TSHR: variants seen among roughly 807,000 people sequenced by gnomAD.
TSHR encodes thyroid stimulating hormone receptor, also known as thyrotropin receptor.
In TSHR, 51 loss-of-function variants were observed where a neutral mutation model predicts 64.1. That is an observed-to-expected ratio of 0.80 (90% CI 0.64 to 1.01). The LOEUF (loss-of-function observed/expected upper bound fraction) is 1.01. TSHR is among the 50% of genes least tolerant of loss of function. The pLI, the probability that TSHR is intolerant of heterozygous loss-of-function variation, is 0.00. For synonymous variants in TSHR, 361 were observed against 361.9 expected (o/e 1.00, Z 0.03); for missense variants, 877 against 942.8 (o/e 0.93, Z 0.91).
chr14:81,144,202 A>G lies in TSHR; in HGVS notation c.2144A>G (p.Asn715Ser). The G allele has an allele frequency of 6.2e-7, 1 of 1,613,718 alleles. No homozygotes were observed. The highest frequency in any genetic ancestry group is 8.5e-7 in the Non-Finnish European group (1 of 1,179,746). ...AYRGQRVPPK[N>S]STDIQVQKVT... The stretch of plus-strand genomic sequence containing the variant: ...CGGGGGCAGAGGGTTCCTCCAAAGA[A>G]CAGCACTGATATTCAGGTTCAAAAG... The change falls in exon 10 of 10, where the codon AAC (asparagine) becomes AGC (serine). Residue 715 changes from asparagine to serine, a missense_variant. Physicochemically the swap from Asn to Ser is conservative, Grantham distance 46. Transcript: ENST00000298171.
At chr14:81,050,763 G>A (rs1235493077) in intron 1 of TSHR, 1 of 152,056 alleles carries the variant, frequency 6.6e-6, no homozygotes, top group African/African-American at 2.4e-5. Context: ...CATACATTGT[G>A]GGATGATCAA....
At chr14:80,986,548 G>A (rs942810665) in intron 1 of TSHR, among the ~76,000 whole-genome samples, 3 of 151,948 alleles carry the variant, frequency 2.0e-5, no homozygotes, top group Non-Finnish European at 2.9e-5. Context: ...GTGTAATGGC[G>A]CAGTCTCGGC....
At chr14:80,958,474 T>A (rs1003761564) in intron 1 of TSHR, among the ~76,000 whole-genome samples, 1 of 152,076 alleles carries the variant, frequency 6.6e-6, no homozygotes, top group Non-Finnish European at 1.5e-5. Flanking sequence ...GAAAAAAGTC[T>A]GAAAACAAGT....
intron 1 of TSHR, among the ~76,000 whole-genome samples, chr14:80,967,236 A>G (rs1887365780): frequency 6.7e-6 from 1 of 149,828 alleles, no homozygotes. Flanking sequence ...ATAAGAAGCT[A>G]TTAAGGATTT....
At chr14:81,082,198 C>CTTCAAGTA (rs1887953361) in intron 3 of TSHR, among the ~76,000 whole-genome samples, 1 of 152,162 alleles carries the variant, frequency 6.6e-6, no homozygotes, top group African/African-American at 2.4e-5. Context: ...TCACTAGTGA[C>CTTCAAGTA]TTCAAGTATT....
intron 8 of TSHR, among the ~76,000 whole-genome samples, chr14:81,138,557 TACAAA>T (rs1891551090): frequency 6.6e-6 from 1 of 152,076 alleles, no homozygotes; most frequent in African/African-American, 2.4e-5. Context: ...TTTAATTAAA[TACAAA>T]ACAAAATAGC....
At chr14:81,006,246 C>T (rs1236465490) in intron 1 of TSHR, among the ~76,000 whole-genome samples, 2 of 152,198 alleles carry the variant, frequency 1.3e-5, no homozygotes, top group Non-Finnish European at 2.9e-5. Context: ...GCCCCACAGA[C>T]TGGGTGGCTT....
chr14:81,065,401 A>G (rs1886539057), intron 2 of TSHR, among the ~76,000 whole-genome samples: 1 of 152,224 alleles, frequency 6.6e-6, no homozygotes, highest in Non-Finnish European at 1.5e-5. Context: ...TTATCAAATT[A>G]TTAAAGGATA....
At chr14:81,080,313 G>A (rs372331005) in intron 3 of TSHR, among the ~76,000 whole-genome samples, 3 of 152,092 alleles carry the variant, frequency 2.0e-5, no homozygotes, top group Admixed American at 6.6e-5. Context: ...GGTGAAATGT[G>A]TGACTTATGC....
At chr14:81,032,459 T>C (rs1884398252) in intron 1 of TSHR, 8 of 311,982 alleles carry the variant, frequency 2.6e-5, no homozygotes, top group South Asian at 2.4e-4. Context: ...GTTCAAAGAA[T>C]TTCCCTTGTA....
intron 1 of TSHR, among the ~76,000 whole-genome samples, chr14:81,039,881 G>C (rs1334777395): frequency 2.6e-5 from 4 of 151,900 alleles, no homozygotes; most frequent in African/African-American, 9.7e-5. Context: ...ATATTAAAAT[G>C]TCCATACTAC....
intron 1 of TSHR, among the ~76,000 whole-genome samples, chr14:80,981,540 T>C (rs1888170435): frequency 6.6e-6 from 1 of 152,108 alleles, no homozygotes; most frequent in Admixed American, 6.5e-5. Flanking sequence ...GTGGGAAGGA[T>C]AGCATCTTCT....
At chr14:81,120,103 G>A (rs1300439430) in intron 8 of TSHR, among the ~76,000 whole-genome samples, 63 of 144,852 alleles carry the variant, frequency 4.3e-4, no homozygotes, top group East Asian at 4.1e-3. Context: ...TGGGTGCAGC[G>A]CACCAGCATG....
rs568517978 is a variant in TSHR, at chr14:81,137,267, A to G, written c.693-2412A>G. Among the ~76,000 whole-genome samples the G allele has an allele frequency of 2.0e-5, 3 of 152,340 alleles. No homozygotes were observed. In the South Asian group the frequency reaches 6.2e-4, roughly 32 times the overall value. On this transcript the variant is annotated intron_variant, in intron 8 of 9. Coordinates refer to ENST00000298171, the MANE Select transcript of TSHR (RefSeq NM_000369.5). ...ACTAGAAATGCTGATTTGCAGAGTG[A>G]TAAACTGCCAGTTTTTCCCCAAATT...
chr14:80,987,137 T>C lies in TSHR; in HGVS notation c.170+31287T>C, dbSNP rs116492640. 3.0e-3 allele frequency among the ~76,000 whole-genome samples: 456 copies of C among 152,340 alleles called. 6 individuals are homozygous for C. The highest frequency in any genetic ancestry group is 0.011 in the African/African-American group (442 of 41,572). On this transcript the variant is annotated intron_variant, in intron 1 of 9. Transcript: ENST00000298171. ...AACAAAGAAAAAAAGGAAACAGTAA[T>C]ACCTTCCCTAGTTTCCTGGATCTAA...
intron 1 of TSHR, among the ~76,000 whole-genome samples, chr14:81,045,161 A>G (rs1333614592): frequency 6.6e-6 from 1 of 152,180 alleles, no homozygotes; most frequent in Non-Finnish European, 1.5e-5. Context: ...AAAACCAAAC[A>G]CCACATGTTC....
At chr14:81,035,555 T>A (rs1284130257) in intron 1 of TSHR, among the ~76,000 whole-genome samples, 1 of 152,214 alleles carries the variant, frequency 6.6e-6, no homozygotes, top group Non-Finnish European at 1.5e-5. Context: ...AGGATAGAAC[T>A]TCCCCTCTGA....
chr14:81,013,532 A>G (rs1424060922), intron 1 of TSHR: 1 of 152,222 alleles, frequency 6.6e-6, no homozygotes, highest in Non-Finnish European at 1.5e-5. Context: ...ATAAACTACA[A>G]AGATAAATAC....
intron 1 of TSHR, among the ~76,000 whole-genome samples, chr14:80,975,675 C>A (rs1197659261): frequency 6.6e-6 from 1 of 152,208 alleles, no homozygotes. Flanking sequence ...GTCATATTAA[C>A]AACCTTTGTT....
Sources: gnomAD v4.1 joint callset for allele counts (sites outside exome capture counted in the v4.1 genomes callset) on GRCh38, gnomAD v4.1.1 for gene constraint, MANE v1.5 for transcripts, NCBI Gene and HGNC (gene_info 2026-07-23, HGNC 2026-07-21) for gene names.